MARCHF11: variants seen among roughly 807,000 people sequenced by gnomAD.
MARCHF11 encodes the protein E3 ubiquitin-protein ligase MARCHF11.
In MARCHF11, 29 loss-of-function variants were observed where a neutral mutation model predicts 37.3. The observed-to-expected ratio is 0.78, with a 90% CI of 0.58 to 1.06. The LOEUF is 1.06. Ranked by LOEUF, MARCHF11 falls within the 50% of genes least tolerant of loss-of-function variation. MARCHF11 has a pLI of 0.00. For synonymous variants in MARCHF11, 233 were observed against 228.0 expected (o/e 1.02, Z -0.20); for missense variants, 482 against 533.4 (o/e 0.90, Z 0.95).
At chr5:16,104,069 G>A (rs1736999588) in intron 2 of MARCHF11, among the ~76,000 whole-genome samples, 1 of 152,172 alleles carries the variant, frequency 6.6e-6, no homozygotes, top group African/African-American at 2.4e-5. Flanking sequence ...AACTGCAGGA[G>A]AAACAGGCCA....
At position 16,110,821 on chromosome 5, in the gene MARCHF11, G is replaced by C. The variant is rs575408706; in HGVS notation, c.694-19740C>G. Among the ~76,000 whole-genome samples the C allele has an allele frequency of 3.9e-5, 6 of 152,306 alleles. No homozygotes were observed. The South Asian group carries it at 1.2e-3, about 32-fold the overall frequency. ...TGACACTACCTGACATGGTTTGGCT[G>C]TGTCCCCACCTAAATCTCATCTTGA... On this transcript the variant is annotated intron_variant, in intron 2 of 3. Transcript: ENST00000332432.
intron 3 of MARCHF11, among the ~76,000 whole-genome samples, chr5:16,084,168 A>C (rs1366432179): frequency 6.6e-6 from 1 of 152,216 alleles, no homozygotes; most frequent in Non-Finnish European, 1.5e-5. Context: ...TGTCCAATAT[A>C]ATCCATCTAA....
chr5:16,165,517 T>C (rs1251876536), intron 2 of MARCHF11, among the ~76,000 whole-genome samples: 2 of 152,104 alleles, frequency 1.3e-5, no homozygotes, highest in East Asian at 3.9e-4. Context: ...CCTTAGTCTC[T>C]GGTTTGTGAC....
intron 2 of MARCHF11, among the ~76,000 whole-genome samples, chr5:16,154,099 A>G (rs989375348): frequency 2.9e-4 from 44 of 151,940 alleles, no homozygotes; most frequent in African/African-American, 1.1e-3. Context: ...GAAAGAAAGA[A>G]ATTCTGACCT....
chr5:16,091,354 A>G (rs1736788784), intron 2 of MARCHF11, among the ~76,000 whole-genome samples: 1 of 152,184 alleles, frequency 6.6e-6, no homozygotes, highest in Admixed American at 6.5e-5. Context: ...GTGAATGGCT[A>G]AGGAATATTT....
intron 2 of MARCHF11, among the ~76,000 whole-genome samples, chr5:16,149,792 C>T (rs956214861): frequency 2.0e-5 from 3 of 152,060 alleles, no homozygotes; most frequent in African/African-American, 4.8e-5. Flanking sequence ...AAGACAGCTG[C>T]ATAGCTGACC....
At chr5:16,076,620 G>C (rs1045560439) in intron 3 of MARCHF11, among the ~76,000 whole-genome samples, 2 of 152,196 alleles carry the variant, frequency 1.3e-5, no homozygotes, top group Non-Finnish European at 2.9e-5. Flanking sequence ...CAAGAGCCTG[G>C]TGGACAAGCA....
At chr5:16,092,708 C>T (rs369561398) in intron 2 of MARCHF11, among the ~76,000 whole-genome samples, 7 of 152,010 alleles carry the variant, frequency 4.6e-5, no homozygotes, top group East Asian at 3.9e-4. Context: ...CAATCCTGCA[C>T]GTTGTGCATC....
At chr5:16,138,452 C>A (rs1336863364) in intron 2 of MARCHF11, among the ~76,000 whole-genome samples, 1 of 152,206 alleles carries the variant, frequency 6.6e-6, no homozygotes, top group African/African-American at 2.4e-5. Context: ...GATGTCCAAG[C>A]AAAAGTTTAT....
chr5:16,160,932 AC>A (rs1290489196), intron 2 of MARCHF11, among the ~76,000 whole-genome samples: 2 of 152,010 alleles, frequency 1.3e-5, no homozygotes, highest in African/African-American at 4.8e-5. Context: ...GCAGAGTTGC[AC>A]AGTAAAGCTC....
At chr5:16,130,611 G>A (rs1737500793) in intron 2 of MARCHF11, among the ~76,000 whole-genome samples, 1 of 152,096 alleles carries the variant, frequency 6.6e-6, no homozygotes, top group South Asian at 2.1e-4. Context: ...CATGAAAGGA[G>A]CAGACATAAA....
chr5:16,170,893 AT>A (rs1415888376), intron 2 of MARCHF11, among the ~76,000 whole-genome samples: 2 of 151,938 alleles, frequency 1.3e-5, no homozygotes, highest in African/African-American at 4.8e-5. Context: ...GGGTAAGACC[AT>A]TCTTTGAAAT....
At chr5:16,162,352 TTG>T (rs1738094836) in intron 2 of MARCHF11, among the ~76,000 whole-genome samples, 1 of 152,042 alleles carries the variant, frequency 6.6e-6, no homozygotes, top group Non-Finnish European at 1.5e-5. Context: ...GCTGTAAATA[TTG>T]ACCTCTCCAG....
intron 2 of MARCHF11, among the ~76,000 whole-genome samples, chr5:16,134,064 G>A (rs560290574): frequency 8.5e-5 from 13 of 152,100 alleles, no homozygotes; most frequent in Admixed American, 6.6e-4. Context: ...AGAAACAATC[G>A]TTAAAGCAAT....
chr5:16,167,637 T>TG (rs769506954), intron 2 of MARCHF11, among the ~76,000 whole-genome samples: 2 of 152,096 alleles, frequency 1.3e-5, no homozygotes, highest in East Asian at 1.9e-4. Context: ...ACCAAATACC[T>TG]GGGCTCCCCA....
chr5:16,075,455 G>A (rs566714970), intron 3 of MARCHF11, among the ~76,000 whole-genome samples: 1 of 152,216 alleles, frequency 6.6e-6, no homozygotes, highest in African/African-American at 2.4e-5. Flanking sequence ...GTACTATAAT[G>A]ATTTGCTTCT....
chr5:16,125,614 A>ACT lies in MARCHF11; in HGVS notation c.694-34535_694-34534dup, dbSNP rs1354128400. Among the ~76,000 whole-genome samples, 339 of 119,832 alleles carry ACT rather than the reference A, an allele frequency of 2.8e-3. 3 individuals are homozygous for ACT. Among genetic ancestry groups the ACT allele is most frequent in the African/African-American group, 0.01 (323 of 31,256 alleles). The allele number at this position is 119,832 out of a possible 152,430, so 78.6% of individuals were successfully genotyped here. On this transcript the variant is annotated intron_variant, in intron 2 of 3. Coordinates refer to ENST00000332432, the MANE Select transcript of MARCHF11 (RefSeq NM_001102562.3). ...CCTCTCAGCTGGTGCACCCTGGCACACTCTCTGTGTGTGTGTGTGTGTGTG... is the reference window on the plus strand; with the variant it reads ...CCTCTCAGCTGGTGCACCCTGGCACACTCTCTCTGTGTGTGTGTGTGTGTGTG...
intron 2 of MARCHF11, among the ~76,000 whole-genome samples, chr5:16,156,205 C>G (rs1737975735): frequency 6.6e-6 from 1 of 151,668 alleles, no homozygotes; most frequent in Non-Finnish European, 1.5e-5. Flanking sequence ...CTTTGTTGAC[C>G]CTGCTTGGTT....
chr5:16,096,137 C>T (rs1294542853), intron 2 of MARCHF11, among the ~76,000 whole-genome samples: 1 of 152,184 alleles, frequency 6.6e-6, no homozygotes, highest in African/African-American at 2.4e-5. Flanking sequence ...CTTAAACTGA[C>T]ACATCCTGTA....
Sources: allele counts gnomAD v4.1 joint callset (sites outside exome capture counted in the v4.1 genomes callset), GRCh38; gene constraint gnomAD v4.1.1; transcripts MANE v1.5; gene names NCBI Gene and HGNC (gene_info 2026-07-23, HGNC 2026-07-21).